ATP8B4: variants seen among roughly 807,000 people sequenced by gnomAD.
ATP8B4 encodes probable phospholipid-transporting ATPase IM.
A neutral mutation model predicts 145.6 loss-of-function variants in ATP8B4; 133 were observed. The observed-to-expected ratio is 0.91, with a 90% CI of 0.79 to 1.05. ATP8B4 has a LOEUF of 1.05. ATP8B4 is among the 50% of genes least tolerant of loss of function. ATP8B4 has a pLI of 0.00. For synonymous variants in ATP8B4, 507 were observed against 492.9 expected, an observed-to-expected ratio of 1.03 and a Z score of -0.38; for missense variants, 1,458 against 1,425.2, an observed-to-expected ratio of 1.02 and a Z score of -0.37.
intron 19 of ATP8B4, chr15:49,917,316 C>T (rs948415862): frequency 2.8e-6 from 1 of 358,758 alleles, no homozygotes; most frequent in African/African-American, 2.1e-5. Context: ...CCTTTTCATT[C>T]CCAAATTAGC....
At chr15:50,142,160 C>T (rs1171632497) in intron 1 of ATP8B4, among the ~76,000 whole-genome samples, 1 of 152,134 alleles carries the variant, frequency 6.6e-6, no homozygotes, top group East Asian at 1.9e-4. Context: ...AGTTATGATG[C>T]TGAAGAAGTA....
intron 24 of ATP8B4, among the ~76,000 whole-genome samples, chr15:49,878,708 C>T (rs943274769): frequency 6.6e-6 from 1 of 152,268 alleles, no homozygotes; most frequent in Admixed American, 6.5e-5. Context: ...CCTTTCTCCC[C>T]ACTCAAGCAC....
chr15:50,138,765 T>C (rs2044166290), intron 1 of ATP8B4, among the ~76,000 whole-genome samples: 1 of 152,368 alleles, frequency 6.6e-6, no homozygotes, highest in South Asian at 2.1e-4. Context: ...TTTTTCTCCC[T>C]TTATTGTTCT....
intron 13 of ATP8B4, among the ~76,000 whole-genome samples, chr15:49,968,022 C>T (rs950165791): frequency 1.3e-5 from 2 of 152,148 alleles, no homozygotes; most frequent in African/African-American, 4.8e-5. Context: ...TCCAGCCAAA[C>T]TAAGCTTCAT....
chr15:50,173,134 G>A (rs1256107731), intron 1 of ATP8B4, among the ~76,000 whole-genome samples: 21 of 142,984 alleles, frequency 1.5e-4, no homozygotes, highest in East Asian at 4.4e-4. Context: ...GCCTCTGCCC[G>A]GCCGCCCCGT....
At chr15:49,963,788 A>G (rs550266218) in intron 13 of ATP8B4, among the ~76,000 whole-genome samples, 1 of 152,246 alleles carries the variant, frequency 6.6e-6, no homozygotes, top group Admixed American at 6.5e-5. Context: ...AGAATAGCTA[A>G]AGGATGCTGG....
At chr15:50,103,441 AC>A (rs888027838) in intron 2 of ATP8B4, among the ~76,000 whole-genome samples, 15 of 152,262 alleles carry the variant, frequency 9.9e-5, no homozygotes, top group African/African-American at 3.6e-4. Context: ...CCTGCTATAC[AC>A]CAACAGCAAT....
At chr15:50,176,494 C>T (rs2044764796) in intron 1 of ATP8B4, among the ~76,000 whole-genome samples, 1 of 152,014 alleles carries the variant, frequency 6.6e-6, no homozygotes, top group South Asian at 2.1e-4. Context: ...CAGATACCAC[C>T]TGTACCCCAA....
chr15:50,063,465 G>T (rs1365938061), intron 3 of ATP8B4, among the ~76,000 whole-genome samples: 2 of 151,992 alleles, frequency 1.3e-5, no homozygotes, highest in African/African-American at 4.8e-5. Context: ...AGTCCACATA[G>T]ATACAATAAT....
At chr15:49,890,961 A>T (rs2036726285) in intron 23 of ATP8B4, among the ~76,000 whole-genome samples, 1 of 152,216 alleles carries the variant, frequency 6.6e-6, no homozygotes, top group Non-Finnish European at 1.5e-5. Context: ...AATACTGCTA[A>T]GTAAGCTCCC....
chr15:50,152,107 GA>G (rs1387062813), intron 1 of ATP8B4, among the ~76,000 whole-genome samples: 1 of 151,342 alleles, frequency 6.6e-6, no homozygotes, highest in Non-Finnish European at 1.5e-5. Flanking sequence ...TTAGAATTTT[GA>G]AAAAAAATTA....
At chr15:50,151,978 A>G (rs983474258) in intron 1 of ATP8B4, among the ~76,000 whole-genome samples, 1 of 152,160 alleles carries the variant, frequency 6.6e-6, no homozygotes, top group Non-Finnish European at 1.5e-5. Flanking sequence ...CTTGAAGAAC[A>G]ATTAATGTTA....
At chr15:50,025,391 C>T (rs2049931885) in intron 6 of ATP8B4, among the ~76,000 whole-genome samples, 1 of 152,196 alleles carries the variant, frequency 6.6e-6, no homozygotes, top group Admixed American at 6.5e-5. Flanking sequence ...TCTGCCCCTG[C>T]TCTTCTCTCC....
intron 23 of ATP8B4, among the ~76,000 whole-genome samples, chr15:49,882,871 C>A (rs1437393888): frequency 6.6e-6 from 1 of 152,142 alleles, no homozygotes; most frequent in Non-Finnish European, 1.5e-5. Context: ...GTTCATTTCA[C>A]AACAATTTAA....
chr15:50,010,080 C>T (rs2048614541), intron 7 of ATP8B4, among the ~76,000 whole-genome samples: 1 of 151,992 alleles, frequency 6.6e-6, no homozygotes, highest in Non-Finnish European at 1.5e-5. Flanking sequence ...ATTTTTTTCC[C>T]TGTGGTAAAA....
At chr15:50,174,424 C>G (rs140102570) in intron 1 of ATP8B4, among the ~76,000 whole-genome samples, 3,050 of 152,112 alleles carry the variant, frequency 0.02, 45 homozygotes, top group Middle Eastern at 0.031. Flanking sequence ...GCTCCTAGAA[C>G]TGATAAAAGA....
chr15:50,118,071 AG>A lies in ATP8B4; in HGVS notation c.-43+1051del, dbSNP rs147502007. ...AAACATACAGTCAGATAGAAGGAACAGGTTCTAGTATTTGATAACACGGTAG... is the reference window on the plus strand; with the variant it reads ...AAACATACAGTCAGATAGAAGGAACAGTTCTAGTATTTGATAACACGGTAG... On this transcript the variant is annotated intron_variant, in intron 1 of 27. Transcript: ENST00000284509. Among the ~76,000 whole-genome samples the A allele has an allele frequency of 1.7e-3, 253 of 152,330 alleles. 2 individuals are homozygous for A. Among genetic ancestry groups the A allele is most frequent in the South Asian group, 7.5e-3 (36 of 4,830 alleles).
intron 12 of ATP8B4, among the ~76,000 whole-genome samples, chr15:49,979,008 T>C (rs2045932040): frequency 6.6e-6 from 1 of 152,174 alleles, no homozygotes; most frequent in South Asian, 2.1e-4. Context: ...CTCCTTTATG[T>C]ACATACTTAT....
chr15:49,991,099 T>TC (rs2047011866), intron 9 of ATP8B4, among the ~76,000 whole-genome samples: 1 of 152,150 alleles, frequency 6.6e-6, no homozygotes, highest in African/African-American at 2.4e-5. Context: ...GCCTCATGAG[T>TC]CAGCTGTGCT....
Sources: allele counts gnomAD v4.1 joint callset (sites outside exome capture counted in the v4.1 genomes callset), GRCh38; gene constraint gnomAD v4.1.1; transcripts MANE v1.5; gene names NCBI Gene and HGNC (gene_info 2026-07-23, HGNC 2026-07-21).